The following CHCHD6 variants were observed in gnomAD, a reference collection of about 807,000 sequenced individuals.
The protein encoded by CHCHD6 is MICOS complex subunit MIC25.
Under a neutral mutation model 32.3 loss-of-function variants are expected in CHCHD6, and 28 were observed. That is an observed-to-expected ratio of 0.87 (90% CI 0.64 to 1.19). CHCHD6 has a LOEUF of 1.19. CHCHD6 is among the 50% of genes most tolerant of loss of function. The probability of loss-of-function intolerance (pLI) is 0.00; values close to 1 mark genes in which losing one functional copy is unlikely to be tolerated. For missense variants in CHCHD6, 333 were observed against 307.0 expected (o/e 1.08, Z -0.63); for synonymous variants, 122 against 117.5 (o/e 1.04, Z -0.25).
chr3:126,806,339 TCAAA>T (rs1188325084), intron 4 of CHCHD6, among the ~76,000 whole-genome samples: 2 of 151,910 alleles, frequency 1.3e-5, no homozygotes, highest in Non-Finnish European at 2.9e-5. Context: ...TACAATGAAC[TCAAA>T]CAAATTTACA....
At chr3:126,751,960 G>A (rs1012556242) in intron 4 of CHCHD6, among the ~76,000 whole-genome samples, 4 of 152,284 alleles carry the variant, frequency 2.6e-5, no homozygotes, top group African/African-American at 7.2e-5. Flanking sequence ...TCTGGGACAC[G>A]GCCTCATGCA....
chr3:126,799,334 G>C lies in CHCHD6; in HGVS notation c.412-53313G>C, dbSNP rs543355369. Among the ~76,000 whole-genome samples, 18 of 152,318 alleles carry C rather than the reference G, an allele frequency of 1.2e-4. 1 individual carries two copies. In the South Asian group the frequency reaches 3.7e-3, roughly 32 times the overall value. On this transcript the variant is annotated intron_variant, in intron 4 of 7. Transcript: ENST00000290913. Reference sequence around the variant, plus strand: ...AGAAAGCCAAGGACAAGCCCAGAGGGAGTGCTTATTAGATGAGAATTGCTA... The same window carrying C: ...AGAAAGCCAAGGACAAGCCCAGAGGCAGTGCTTATTAGATGAGAATTGCTA...
chr3:126,823,013 C>T (rs1056465812), intron 4 of CHCHD6, among the ~76,000 whole-genome samples: 4 of 152,076 alleles, frequency 2.6e-5, no homozygotes, highest in Non-Finnish European at 5.9e-5. Context: ...TTAGGCAGTC[C>T]TCCCACATCA....
chr3:126,934,662 C>G (rs2078453418), intron 6 of CHCHD6, among the ~76,000 whole-genome samples: 1 of 150,434 alleles, frequency 6.6e-6, no homozygotes, highest in African/African-American at 2.4e-5. Flanking sequence ...CATTCTCCTG[C>G]CTCAGCCTCC....
chr3:126,794,736 C>T (rs1309856165), intron 4 of CHCHD6, among the ~76,000 whole-genome samples: 1 of 152,252 alleles, frequency 6.6e-6, no homozygotes, highest in East Asian at 1.9e-4. Context: ...ATTGCCAGCT[C>T]TTTCCCCTTT....
At chr3:126,893,082 C>G (rs1398621971) in intron 5 of CHCHD6, among the ~76,000 whole-genome samples, 2 of 152,094 alleles carry the variant, frequency 1.3e-5, no homozygotes, top group African/African-American at 4.8e-5. Context: ...GATTCTCCTG[C>G]CTCAGCCTCC....
At chr3:126,880,292 A>G (rs1576546797) in intron 5 of CHCHD6, among the ~76,000 whole-genome samples, 2 of 152,090 alleles carry the variant, frequency 1.3e-5, no homozygotes, top group East Asian at 3.9e-4. Flanking sequence ...GATGGGCTTT[A>G]TTTCTAGAAG....
chr3:126,731,768 C>T (rs145411077), intron 3 of CHCHD6, among the ~76,000 whole-genome samples: 19 of 152,204 alleles, frequency 1.2e-4, no homozygotes, highest in African/African-American at 2.4e-4. Context: ...TCTCCCTAAT[C>T]GGTCTTAGCA....
At chr3:126,809,626 A>T (rs1197878916) in intron 4 of CHCHD6, among the ~76,000 whole-genome samples, 1 of 152,202 alleles carries the variant, frequency 6.6e-6, no homozygotes, top group African/African-American at 2.4e-5. Flanking sequence ...ATCTTTAATT[A>T]GGGCACAAAG....
chr3:126,889,666 T>C (rs1185022208), intron 5 of CHCHD6, among the ~76,000 whole-genome samples: 2 of 152,264 alleles, frequency 1.3e-5, no homozygotes, highest in East Asian at 3.8e-4. Flanking sequence ...ACAGGAATCC[T>C]TGCTGCAGGG....
At chr3:126,795,639 C>G (rs1398949077) in intron 4 of CHCHD6, among the ~76,000 whole-genome samples, 3 of 152,150 alleles carry the variant, frequency 2.0e-5, no homozygotes, top group African/African-American at 7.2e-5. Flanking sequence ...CTTTTTCAGT[C>G]TCTAGGTTTT....
At chr3:126,947,016 G>A (rs2078648954) in intron 6 of CHCHD6, among the ~76,000 whole-genome samples, 1 of 152,238 alleles carries the variant, frequency 6.6e-6, no homozygotes, top group Non-Finnish European at 1.5e-5. Flanking sequence ...GAGGATTTGG[G>A]GCCACACGTG....
chr3:126,782,576 A>C (rs1292649726), intron 4 of CHCHD6, among the ~76,000 whole-genome samples: 2 of 152,244 alleles, frequency 1.3e-5, no homozygotes, highest in Non-Finnish European at 2.9e-5. Flanking sequence ...ACAGAAGCAA[A>C]GGGAAAGTTG....
At chr3:126,849,381 A>C (rs1218468331) in intron 4 of CHCHD6, among the ~76,000 whole-genome samples, 3 of 151,976 alleles carry the variant, frequency 2.0e-5, no homozygotes, top group African/African-American at 4.8e-5. Context: ...TTGTTTTTGA[A>C]CTTGTCCGTG....
chr3:126,860,992 C>T (rs1238145297), intron 5 of CHCHD6, among the ~76,000 whole-genome samples: 1 of 152,156 alleles, frequency 6.6e-6, no homozygotes, highest in African/African-American at 2.4e-5. Context: ...TGAATTAAGA[C>T]TTTACCACTT....
At chr3:126,939,916 C>G (rs1297376253) in intron 6 of CHCHD6, among the ~76,000 whole-genome samples, 1 of 152,058 alleles carries the variant, frequency 6.6e-6, no homozygotes, top group Non-Finnish European at 1.5e-5. Flanking sequence ...TAGAAGATGA[C>G]GTGTGTGTGC....
At chr3:126,817,915 C>CT (rs1939977616) in intron 4 of CHCHD6, among the ~76,000 whole-genome samples, 1 of 152,146 alleles carries the variant, frequency 6.6e-6, no homozygotes, top group Non-Finnish European at 1.5e-5. Flanking sequence ...CACCTGGGGG[C>CT]TATAGAGTGT....
chr3:126,869,352 T>A (rs1303425657), intron 5 of CHCHD6, among the ~76,000 whole-genome samples: 2 of 150,624 alleles, frequency 1.3e-5, no homozygotes, highest in African/African-American at 2.4e-5. Context: ...TCATTTCCTG[T>A]GGATGGACAT....
chr3:126,766,517 AGT>A, intron 4 of CHCHD6: 1 of 792,770 alleles, frequency 1.3e-6, no homozygotes, highest in Non-Finnish European at 2.3e-6. Flanking sequence ...GTCACCAAAG[AGT>A]GTGAGTAGCC....
Sources: allele counts gnomAD v4.1 joint callset (sites outside exome capture counted in the v4.1 genomes callset), GRCh38; gene constraint gnomAD v4.1.1; transcripts MANE v1.5; gene names NCBI Gene and HGNC (gene_info 2026-07-23, HGNC 2026-07-21).